SLC4A4: variants seen among roughly 807,000 people sequenced by gnomAD.
The protein encoded by SLC4A4 is electrogenic sodium bicarbonate cotransporter 1.
In SLC4A4, 27 loss-of-function variants were observed where a neutral mutation model predicts 111.5. That is an observed-to-expected ratio of 0.24 (90% CI 0.18 to 0.33). The LOEUF (loss-of-function observed/expected upper bound fraction) is 0.33, where lower values mean the gene tolerates loss of function less well. SLC4A4 is among the 10% of genes least tolerant of loss of function. The probability of loss-of-function intolerance (pLI) is 1.00; values close to 1 mark genes in which losing one functional copy is unlikely to be tolerated. For synonymous variants in SLC4A4, 443 were observed against 463.4 expected (o/e 0.96, Z 0.57); for missense variants, 909 against 1,315.5 (o/e 0.69, Z 4.78).
intron 7 of SLC4A4, among the ~76,000 whole-genome samples, chr4:71,424,700 A>C (rs1322328292): frequency 1.3e-5 from 2 of 152,300 alleles, no homozygotes; most frequent in African/African-American, 2.4e-5. Context: ...AGGGACATGG[A>C]TGAAATTGGA....
intron 2 of SLC4A4, among the ~76,000 whole-genome samples, chr4:71,153,585 A>G (rs1744374603): frequency 6.6e-6 from 1 of 152,162 alleles, no homozygotes; most frequent in African/African-American, 2.4e-5. Context: ...TTTTTTTCAG[A>G]GAGTAGTGTG....
At chr4:71,175,279 G>A (rs973737024) in intron 2 of SLC4A4, among the ~76,000 whole-genome samples, 5 of 152,242 alleles carry the variant, frequency 3.3e-5, no homozygotes, top group Non-Finnish European at 5.9e-5. Flanking sequence ...CGCAGAAGAC[G>A]GGTGATTTCT....
chr4:71,541,858 A>G (rs1735098683), intron 18 of SLC4A4, among the ~76,000 whole-genome samples: 1 of 152,106 alleles, frequency 6.6e-6, no homozygotes, highest in African/African-American at 2.4e-5. Context: ...ACAGATAAAA[A>G]GTTTCATATG....
chr4:71,462,205 C>A (rs1726895506), intron 12 of SLC4A4, among the ~76,000 whole-genome samples: 1 of 152,094 alleles, frequency 6.6e-6, no homozygotes, highest in Non-Finnish European at 1.5e-5. Context: ...GTTCTTAGCT[C>A]TTTACATATT....
intron 16 of SLC4A4, among the ~76,000 whole-genome samples, chr4:71,502,642 C>G (rs1046546968): frequency 6.6e-6 from 1 of 152,266 alleles, no homozygotes; most frequent in African/African-American, 2.4e-5. Flanking sequence ...GTAAAGGTTT[C>G]AAAGTTTTCC....
chr4:71,384,615 G>A (rs545099642), intron 6 of SLC4A4, among the ~76,000 whole-genome samples: 11 of 146,832 alleles, frequency 7.5e-5, no homozygotes, highest in East Asian at 4.0e-4. Context: ...AAGCCTGGGC[G>A]GCACAGCAAG....
upstream of SLC4A4, chr4:71,186,753 G>T (rs1258265429): frequency 1.3e-5 from 2 of 152,088 alleles, no homozygotes; most frequent in African/African-American, 4.8e-5. Flanking sequence ...TGGATCGCAG[G>T]CTCGCGCTCG....
At chr4:71,269,662 T>G (rs1421824377) in intron 3 of SLC4A4, among the ~76,000 whole-genome samples, 2 of 152,218 alleles carry the variant, frequency 1.3e-5, no homozygotes, top group African/African-American at 4.8e-5. Flanking sequence ...ACTATAGACT[T>G]AATAAAGGCT....
rs1434692935 is a variant in SLC4A4, at chr4:71,255,242, A to T, written c.96A>T (p.Gly32=). Residue 32 remains glycine, a synonymous_variant, in exon 3 of 26, where the codon GGA becomes GGT. Coordinates refer to ENST00000264485, the MANE Select transcript of SLC4A4 (RefSeq NM_001098484.3). ...EVEGHHTIYI[G]VHVPKSYRRR... is the part of the protein sequence containing the mutation. ...TAGGCCACCATACCATTTACATCGG[A>T]GTCCATGTGCCGAAGAGTTACAGGA... The T allele has an allele frequency of 6.8e-6, 11 of 1,613,414 alleles. No individual in the cohort carries two copies. The South Asian group carries it at 1.1e-4, about 16-fold the overall frequency.
At chr4:71,171,883 T>G (rs556786659) in intron 2 of SLC4A4, among the ~76,000 whole-genome samples, 1 of 152,358 alleles carries the variant, frequency 6.6e-6, no homozygotes, top group African/African-American at 2.4e-5. Flanking sequence ...TAGTCAATAC[T>G]TTCTGTATTT....
intron 7 of SLC4A4, among the ~76,000 whole-genome samples, chr4:71,440,248 T>C (rs1220585180): frequency 1.3e-5 from 2 of 152,172 alleles, no homozygotes; most frequent in Non-Finnish European, 2.9e-5. Context: ...AATTAATCTA[T>C]CCACCCCTGT....
rs1170584831 is a variant in SLC4A4, at chr4:71,163,425, T to C, written c.-2+70633T>C. Among the ~76,000 whole-genome samples the C allele has an allele frequency of 2.6e-5, 4 of 152,320 alleles. No individual in the cohort carries two copies. In the East Asian group the frequency reaches 7.7e-4, roughly 29 times the overall value. ...TTTAACTCCAAAATACCAGATATAG[T>C]CTTTGGTCTGTTTTCTTCTGCTGTG... is the stretch of plus-strand genomic sequence containing the variant. On this transcript the variant is annotated intron_variant, in intron 2 of 26. Transcript: ENST00000649996.
intron 2 of SLC4A4, among the ~76,000 whole-genome samples, chr4:71,105,068 CAA>C (rs1470900208): frequency 2.9e-5 from 2 of 67,940 alleles, no homozygotes; most frequent in African/African-American, 1.5e-4. Context: ...GCAACTTCAG[CAA>C]AGTCTCAGGA....
At chr4:71,344,736 T>G (rs745943937) in intron 4 of SLC4A4, among the ~76,000 whole-genome samples, 2 of 152,132 alleles carry the variant, frequency 1.3e-5, no homozygotes, top group African/African-American at 2.4e-5. Context: ...TTACATATTA[T>G]TGAGATGGCT....
Position 71,472,742 on chromosome 4 carries a change from C to T in SLC4A4, c.1675C>T (p.Leu559=). ...DYLEFRLWIG[L]WSAFLCLILV... is the part of the protein sequence containing the mutation. ...TTTGGAGTTTCGCCTTTGGATTGGC[C>T]TGTGGTCCGCCTTCCTATGTCTCAT... is the stretch of plus-strand genomic sequence containing the variant. Residue 559 remains leucine, a synonymous_variant, in exon 14 of 26, where the codon CTG becomes TTG. Transcript: ENST00000264485. 6.2e-7 allele frequency: 1 copy of T among 1,612,870 alleles called. No individual in the cohort carries two copies. The highest frequency in any genetic ancestry group is 8.5e-7 in the Non-Finnish European group (1 of 1,179,270).
intron 6 of SLC4A4, among the ~76,000 whole-genome samples, chr4:71,389,075 C>A (rs1202133025): frequency 6.6e-6 from 1 of 152,046 alleles, no homozygotes; most frequent in Non-Finnish European, 1.5e-5. Flanking sequence ...TGAACAGGGT[C>A]TAGGGAATTG....
At chr4:71,487,587 G>A (rs1450637655) in intron 15 of SLC4A4, among the ~76,000 whole-genome samples, 1 of 151,542 alleles carries the variant, frequency 6.6e-6, no homozygotes, top group African/African-American at 2.4e-5. Context: ...ACTGGAAGGA[G>A]GCTTTTGTAT....
intron 2 of SLC4A4, among the ~76,000 whole-genome samples, chr4:71,119,292 G>T (rs1168671313): frequency 6.6e-6 from 1 of 152,224 alleles, no homozygotes; most frequent in Admixed American, 6.5e-5. Context: ...GAAGTTAACT[G>T]TCAGCCTATT....
intron 1 of SLC4A4, among the ~76,000 whole-genome samples, chr4:71,090,117 C>G (rs1048982352): frequency 1.3e-5 from 2 of 152,166 alleles, no homozygotes; most frequent in East Asian, 3.9e-4. Flanking sequence ...CCCCCAGCCT[C>G]GCTGCCACCT....
Sources: allele counts gnomAD v4.1 joint callset (sites outside exome capture counted in the v4.1 genomes callset), GRCh38; gene constraint gnomAD v4.1.1; transcripts MANE v1.5; gene names NCBI Gene and HGNC (gene_info 2026-07-23, HGNC 2026-07-21).